Variants in FARP1 observed in about 807,000 individuals in gnomAD.
The protein encoded by FARP1 is FERM, ARH/RhoGEF and pleckstrin domain protein 1, also known as FERM, ARHGEF and pleckstrin domain-containing protein 1.
A neutral mutation model predicts 128.8 loss-of-function variants in FARP1; 52 were observed. That is an observed-to-expected ratio of 0.40 (90% CI 0.32 to 0.51). The LOEUF (loss-of-function observed/expected upper bound fraction) is 0.51. FARP1 is among the 20% of genes least tolerant of loss of function. The pLI, the probability that FARP1 is intolerant of heterozygous loss-of-function variation, is 0.45. For missense variants in FARP1, 1,333 were observed against 1,367.9 expected (o/e 0.97, Z 0.40); for synonymous variants, 580 against 551.8 (o/e 1.05, Z -0.72).
chr13:98,148,267 A>C (rs1447127333), intron 1 of FARP1, among the ~76,000 whole-genome samples: 1 of 152,038 alleles, frequency 6.6e-6, no homozygotes, highest in African/African-American at 2.4e-5. Context: ...AATCCCAGCT[A>C]CTCGGGAGGC....
At chr13:98,241,820 G>A (rs1176443911) in intron 2 of FARP1, among the ~76,000 whole-genome samples, 2 of 152,172 alleles carry the variant, frequency 1.3e-5, no homozygotes, top group African/African-American at 2.4e-5. Context: ...TTGGGAGGCT[G>A]AGGCAGGAGA....
intron 5 of FARP1, among the ~76,000 whole-genome samples, chr13:98,370,980 C>T (rs116765636): frequency 1.3e-5 from 2 of 152,112 alleles, no homozygotes; most frequent in Admixed American, 6.5e-5. Context: ...GAGGGCCTTT[C>T]GCTGGGGCTG....
At position 98,176,979 on chromosome 13, in the gene FARP1, C is replaced by T. The variant is rs147264891; in HGVS notation, c.-24+33487C>T. 22 of 1,599,974 alleles carry T rather than the reference C, an allele frequency of 1.4e-5. No homozygotes were observed. The highest frequency in any genetic ancestry group is 1.3e-4 in the Admixed American group (8 of 59,968). On this transcript the variant is annotated intron_variant, in intron 1 of 26. Transcript: ENST00000319562. This position sits in a 1 kb window ranked among gnomAD's most constrained non-coding sequence, Gnocchi z 6.2. The stretch of plus-strand genomic sequence containing the variant: ...TGTACACCACGTCGAGGCTCTCAGG[C>T]GCCGCCTCCTCGCCCCTCCTGTCGC...
chr13:98,186,890 G>A (rs1478192673), intron 1 of FARP1, among the ~76,000 whole-genome samples: 1 of 149,702 alleles, frequency 6.7e-6, no homozygotes, highest in Non-Finnish European at 1.5e-5. Context: ...TACTCAGGAG[G>A]CTGAGGCGTA....
rs200978809 is a variant in FARP1, at chr13:98,409,407, A to G, written c.1484A>G (p.Asn495Ser). Residue 495 changes from asparagine to serine, a missense_variant, in exon 14 of 27, where the codon AAC (asparagine) becomes AGC (serine). Asn to Ser is a conservative substitution (Grantham distance 46, BLOSUM62 1). Coordinates refer to ENST00000319562, the MANE Select transcript of FARP1 (RefSeq NM_005766.4). ...VNSQGGVAPA[N>S]VTLSPNLSPD... ...TCGCAGGGGGGAGTGGCCCCTGCCA[A>G]CGTGACCTTGTCTCCCAACCTGAGC... 102 of 1,613,988 alleles carry G rather than the reference A, an allele frequency of 6.3e-5. No homozygotes were observed. Among genetic ancestry groups the G allele is most frequent in the Non-Finnish European group, 8.5e-5 (100 of 1,179,988 alleles).
At chr13:98,231,111 T>TA (rs1243152100) in intron 2 of FARP1, among the ~76,000 whole-genome samples, 3 of 152,166 alleles carry the variant, frequency 2.0e-5, no homozygotes, top group Non-Finnish European at 1.5e-5. Flanking sequence ...ACATGGGGAT[T>TA]ATTACAGTTC....
chr13:98,403,675 TTC>T (rs990643489), intron 13 of FARP1: 1 of 152,160 alleles, frequency 6.6e-6, no homozygotes, highest in Non-Finnish European at 1.5e-5. Context: ...TGGTTTCTTC[TTC>T]TCTCCATGGC....
At chr13:98,177,254 C>G in intron 1 of FARP1, 1 of 1,531,262 alleles carries the variant, frequency 6.5e-7, no homozygotes, top group Non-Finnish European at 8.8e-7. Context: ...TCTCAGGCTC[C>G]CAACGGCCGT....
intron 21 of FARP1, 50 bp downstream of exon 21, chr13:98,439,246 G>C: frequency 7.6e-7 from 1 of 1,316,700 alleles, no homozygotes; most frequent in Non-Finnish European, 1.1e-6. Context: ...GGGGCAGCAG[G>C]TGCGGGCGCT....
chr13:98,334,227 A>G (rs1205129858), intron 2 of FARP1: 1 of 152,236 alleles, frequency 6.6e-6, no homozygotes, highest in Admixed American at 6.5e-5. Context: ...GTGCAGGTAT[A>G]TCAATCCCTT....
At chr13:98,343,917 G>T (rs774431680) in intron 3 of FARP1, 51 bp downstream of exon 3, 10 of 1,221,806 alleles carry the variant, frequency 8.2e-6, no homozygotes, top group African/African-American at 3.0e-5. Flanking sequence ...TCATCTTGGT[G>T]GGGGGCTGGG....
intron 2 of FARP1, among the ~76,000 whole-genome samples, chr13:98,280,115 C>T (rs1487385859): frequency 6.6e-6 from 1 of 152,206 alleles, no homozygotes; most frequent in Non-Finnish European, 1.5e-5. Flanking sequence ...TGGCTCCCCT[C>T]CATGACCTCA....
chr13:98,384,131 G>A (rs1889998245), intron 6 of FARP1: 1 of 147,210 alleles, frequency 6.8e-6, no homozygotes, highest in Admixed American at 7.2e-5. Context: ...AGGCGGATGG[G>A]GAGAAAAGAA....
intron 3 of FARP1, among the ~76,000 whole-genome samples, chr13:98,346,796 G>A (rs1182038421): frequency 4.6e-5 from 7 of 152,116 alleles, no homozygotes; most frequent in Non-Finnish European, 7.4e-5. Flanking sequence ...AGGGGATGCC[G>A]TAAATGACTG....
intron 1 of FARP1, among the ~76,000 whole-genome samples, chr13:98,210,765 A>G (rs55881484): frequency 2.2e-4 from 34 of 152,106 alleles, no homozygotes; most frequent in African/African-American, 7.7e-4. Flanking sequence ...TAGCCAGGAT[A>G]GTCTCCATCT....
At chr13:98,173,702 T>G (rs1279905543) in intron 1 of FARP1, among the ~76,000 whole-genome samples, 1 of 152,234 alleles carries the variant, frequency 6.6e-6, no homozygotes, top group African/African-American at 2.4e-5. Context: ...AGTCAGTTGT[T>G]GCTTAACTGC....
intron 2 of FARP1, among the ~76,000 whole-genome samples, chr13:98,298,095 T>C (rs1248306121): frequency 6.6e-6 from 1 of 152,196 alleles, no homozygotes; most frequent in Non-Finnish European, 1.5e-5. Flanking sequence ...AGGACTGTGA[T>C]GGGAACTGCC....
At chr13:98,304,515 G>A (rs1484144598) in intron 2 of FARP1, among the ~76,000 whole-genome samples, 3 of 152,184 alleles carry the variant, frequency 2.0e-5, no homozygotes, top group African/African-American at 7.2e-5. Flanking sequence ...GATAACTCTA[G>A]GCTGGTGGAG....
At chr13:98,305,116 A>AT (rs912492212) in intron 2 of FARP1, among the ~76,000 whole-genome samples, 945 of 24,468 alleles carry the variant, frequency 0.039, 11 homozygotes, top group African/African-American at 0.092. Flanking sequence ...ATATATATAT[A>AT]TATTTTTTAA....
Sources: allele counts gnomAD v4.1 joint callset (sites outside exome capture counted in the v4.1 genomes callset), GRCh38; gene constraint gnomAD v4.1.1; non-coding constraint Gnocchi (gnomAD v3.1); transcripts MANE v1.5; gene names NCBI Gene and HGNC (gene_info 2026-07-23, HGNC 2026-07-21).